The following OXNAD1 variants were observed in gnomAD, a reference collection of about 807,000 sequenced individuals.
OXNAD1 encodes the protein oxidoreductase NAD-binding domain-containing protein 1.
OXNAD1 carries 34 observed loss-of-function variants against 32.9 expected under a neutral mutation model. The ratio of observed to expected loss-of-function variants is 1.03; its 90% CI spans 0.79 to 1.38. The LOEUF (loss-of-function observed/expected upper bound fraction) is 1.38, where lower values mean the gene tolerates loss of function less well. Ranked by LOEUF, OXNAD1 falls within the 40% of genes most tolerant of loss-of-function variation. The probability of loss-of-function intolerance (pLI) is 0.00; values close to 1 mark genes in which losing one functional copy is unlikely to be tolerated. For synonymous variants in OXNAD1, 134 were observed against 135.2 expected (o/e 0.99, Z 0.06); for missense variants, 407 against 379.4 (o/e 1.07, Z -0.60).
rs781007349 is a variant in OXNAD1 at position 16,316,282 on chromosome 3, G to C, written c.*30+12690G>C. On this transcript the variant is annotated intron_variant, in intron 9 of 9. Coordinates refer to the OXNAD1 transcript ENST00000435829. The surrounding 1 kb of genome is among the most constrained non-coding windows in gnomAD (Gnocchi z 4.5). ...ACTATTTTGAGAAAAGCTGGGAGGC[G>C]GAGCACCTCCCCTCCCCAATGTCAT... 1 of 158,522 alleles carries C rather than the reference G, an allele frequency of 6.3e-6. No individual in the cohort carries two copies. Among genetic ancestry groups the C allele is most frequent in the African/African-American group, 2.4e-5 (1 of 41,494 alleles). The allele number at this position is 158,522 out of a possible 1,614,324, so 9.8% of individuals were successfully genotyped here. A position where few individuals can be genotyped will look rare whatever the true frequency, so the allele number is the denominator to read the frequency against.
At chr3:16,269,590 T>G (rs960042980) in intron 2 of OXNAD1, among the ~76,000 whole-genome samples, 3 of 152,246 alleles carry the variant, frequency 2.0e-5, no homozygotes, top group African/African-American at 7.2e-5. Context: ...ATTTATTTTC[T>G]GTCTTCATCT....
intron 9 of OXNAD1, among the ~76,000 whole-genome samples, chr3:16,311,319 C>T (rs970102773): frequency 0.036 from 2 of 56 alleles, no homozygotes; most frequent in Admixed American, 0.33. Context: ...CTCAGCTTCC[C>T]GAGTAGCTGG....
At position 16,327,803 on chromosome 3, in the gene OXNAD1, G is replaced by C. The variant is rs887086695; in HGVS notation, c.*31-9309G>C. 2.0e-5 allele frequency among the ~76,000 whole-genome samples: 3 copies of C among 150,872 alleles called. No individual in the cohort carries two copies. Among genetic ancestry groups the C allele is most frequent in the South Asian group, 4.2e-4 (2 of 4,766 alleles). ...CGAAAAAAACTTCAGCCCCCTGCTA[G>C]CACAGGGAGAGAGCCCTGATGTGAG... is the stretch of plus-strand genomic sequence containing the variant. On this transcript the variant is annotated intron_variant, in intron 9 of 9. Coordinates refer to the OXNAD1 transcript ENST00000435829. The surrounding 1 kb of genome is among the most constrained non-coding windows in gnomAD (Gnocchi z 4.2).
At position 16,303,824 on chromosome 3, in the gene OXNAD1, TG is replaced by T; in HGVS notation, c.*263del. On this transcript the variant is annotated 3_prime_UTR_variant, in exon 9 of 9. Transcript: ENST00000285083. This position sits in a 1 kb window ranked among gnomAD's most constrained non-coding sequence, Gnocchi z 4.8. ...GATTTAATTGTCTCATGATGTACCA[TG>T]ATTGGTCAGTATAGATTTTTCTTTT... The T allele has an allele frequency of 3.4e-6, 1 of 293,146 alleles. No homozygotes were observed. Among genetic ancestry groups the T allele is most frequent in the African/African-American group, 2.2e-5 (1 of 46,146 alleles). 18.2% of individuals were successfully genotyped at this position (293,146 alleles called of 1,614,324 possible).
Position 16,303,687 on chromosome 3 carries a change from A to T in OXNAD1, c.*125A>T, listed in dbSNP as rs1053765194. 9.2e-7 allele frequency: 1 copy of T among 1,082,328 alleles called. No individual in the cohort carries two copies. The highest frequency in any genetic ancestry group is 3.3e-5 in the Admixed American group (1 of 29,864). The allele number at this position is 1,082,328 out of a possible 1,614,324, so 67.0% of individuals were successfully genotyped here. On this transcript the variant is annotated 3_prime_UTR_variant, in exon 9 of 9. Coordinates refer to ENST00000285083, the MANE Select transcript of OXNAD1 (RefSeq NM_138381.5). The surrounding 1 kb of genome is among the most constrained non-coding windows in gnomAD (Gnocchi z 4.8). ...TCTTATTTTTTAAGGCTATAAACTT[A>T]GTGACCAGCTGGATAATAAAAGCCA... is the stretch of plus-strand genomic sequence containing the variant.
In OXNAD1 at chr3:16,322,786, C is replaced by G. The variant is rs1400805540; in HGVS notation, c.*31-14326C>G. Among the ~76,000 whole-genome samples the G allele has an allele frequency of 6.6e-6, 1 of 152,036 alleles. No homozygotes were observed. The highest frequency in any genetic ancestry group is 6.5e-5 in the Admixed American group (1 of 15,276). On this transcript the variant is annotated intron_variant, in intron 9 of 9. Coordinates refer to the OXNAD1 transcript ENST00000435829. The surrounding 1 kb of genome is among the most constrained non-coding windows in gnomAD (Gnocchi z 6.2). ...ACTGTTTCTAGGGTAGTTCAGAGTC[C>G]GGAGAGGGGGAAAAGGGCCCTGGGG...
chr3:16,339,126 G>A (rs1575049983), downstream of OXNAD1, among the ~76,000 whole-genome samples: 1 of 152,186 alleles, frequency 6.6e-6, no homozygotes, highest in Admixed American at 6.5e-5. Context: ...AAGGGATTGG[G>A]TAAGACATGG....
rs2064966708 is a variant in OXNAD1, at chr3:16,271,874, G to C, written c.183+152G>C. ...TTCTATTTAGAAATTTTCTGAGCAG[G>C]ACATTTGATATCTGATTTGAAAAGA... On this transcript the variant is annotated intron_variant, in intron 4 of 8. Coordinates refer to ENST00000285083, the MANE Select transcript of OXNAD1 (RefSeq NM_138381.5). The surrounding 1 kb of genome is among the most constrained non-coding windows in gnomAD (Gnocchi z 4.6). 1 of 693,960 alleles carries C rather than the reference G, an allele frequency of 1.4e-6. No homozygotes were observed. Among genetic ancestry groups the C allele is most frequent in the Non-Finnish European group, 2.4e-6 (1 of 418,596 alleles). 43.0% of individuals were successfully genotyped at this position (693,960 alleles called of 1,614,324 possible).
At chr3:16,296,196 G>A (rs1485827984) in intron 6 of OXNAD1, among the ~76,000 whole-genome samples, 1 of 152,192 alleles carries the variant, frequency 6.6e-6, no homozygotes, top group Non-Finnish European at 1.5e-5. Context: ...AGTAGCTGAA[G>A]AGAGCTTTTA....
At position 16,298,126 on chromosome 3, in the gene OXNAD1, A is replaced by G. The variant is rs757240281; in HGVS notation, c.432+3129A>G. Among the ~76,000 whole-genome samples, 11 of 152,036 alleles carry G rather than the reference A, an allele frequency of 7.2e-5. No homozygotes were observed. The highest frequency in any genetic ancestry group is 9.7e-5 in the African/African-American group (4 of 41,372). The stretch of plus-strand genomic sequence containing the variant: ...TATCCTGTCACATTTTTACCCTGCA[A>G]CCTTCTGAGTCTCTCCGTCAGTGTG... On this transcript the variant is annotated intron_variant, in intron 6 of 8. Transcript: ENST00000285083. This position sits in a 1 kb window ranked among gnomAD's most constrained non-coding sequence, Gnocchi z 5.1.
At chr3:16,310,991 CAAAAAAAA>C (rs1003070321), downstream of OXNAD1, among the ~76,000 whole-genome samples, 59 of 57,556 alleles carry the variant, frequency 1.0e-3, no homozygotes, top group African/African-American at 4.1e-3. Context: ...ACTCAGTCTC[CAAAAAAAA>C]AAAAAAAAAA....
Position 16,317,016 on chromosome 3 carries a change from C to T in OXNAD1, c.*30+13424C>T, listed in dbSNP as rs756018597. The T allele has an allele frequency of 7.4e-6, 12 of 1,613,660 alleles. No homozygotes were observed. The Admixed American group carries it at 1.3e-4, about 18-fold the overall frequency. On this transcript the variant is annotated intron_variant, in intron 9 of 9. Transcript: ENST00000435829. The surrounding 1 kb of genome is among the most constrained non-coding windows in gnomAD (Gnocchi z 4.3). ...AGGCCACCAGGGGACAGCTGTTCTC[C>T]CTTGTCCTCTTGGACAGGGCCCTTC... is the stretch of plus-strand genomic sequence containing the variant.
intron 9 of OXNAD1, among the ~76,000 whole-genome samples, chr3:16,324,488 G>C (rs1360458067): frequency 6.6e-6 from 1 of 152,000 alleles, no homozygotes; most frequent in Non-Finnish European, 1.5e-5. Context: ...CTGCTTCTAT[G>C]ACTCAACTTT....
rs78912073 is a variant in OXNAD1, at chr3:16,327,477, C to G, written c.*31-9635C>G. On this transcript the variant is annotated intron_variant, in intron 9 of 9. Coordinates refer to the OXNAD1 transcript ENST00000435829. The surrounding 1 kb of genome is among the most constrained non-coding windows in gnomAD (Gnocchi z 4.2). ...GTCTTTCAGTTAAAAAACTCAGCCCCGGCCGGGTGCTGTGGCTCACGTCTG... is the reference window on the plus strand; with the variant it reads ...GTCTTTCAGTTAAAAAACTCAGCCCGGGCCGGGTGCTGTGGCTCACGTCTG... 6.6e-6 allele frequency among the ~76,000 whole-genome samples: 1 copy of G among 152,120 alleles called. No individual in the cohort carries two copies. Among genetic ancestry groups the G allele is most frequent in the Non-Finnish European group, 1.5e-5 (1 of 68,016 alleles).
rs111333562 is a variant in OXNAD1 at position 16,269,767 on chromosome 3, G to A, written c.-9+492G>A. On this transcript the variant is annotated intron_variant, in intron 2 of 8. Coordinates refer to ENST00000285083, the MANE Select transcript of OXNAD1 (RefSeq NM_138381.5). Reference sequence around the variant, plus strand: ...TGTAAACACTTAGCTTGAATATTTTGCTAACAGCAATTTATCACAATTAAT... The same window carrying A: ...TGTAAACACTTAGCTTGAATATTTTACTAACAGCAATTTATCACAATTAAT... Among the ~76,000 whole-genome samples the A allele has an allele frequency of 6.2e-3, 947 of 152,230 alleles. 35 individuals are homozygous for A. The South Asian group carries it at 0.094, about 15-fold the overall frequency.
At chr3:16,272,668 G>C (rs1347515258) in intron 4 of OXNAD1, among the ~76,000 whole-genome samples, 2 of 70,884 alleles carry the variant, frequency 2.8e-5, no homozygotes, top group Non-Finnish European at 5.9e-5. Context: ...TTTTTTTTTT[G>C]AGAAGTCTGT....
At chr3:16,323,099 T>TA (rs1479467100) in intron 9 of OXNAD1, among the ~76,000 whole-genome samples, 5 of 152,110 alleles carry the variant, frequency 3.3e-5, no homozygotes, top group Non-Finnish European at 7.4e-5. Flanking sequence ...TTCATCCTAG[T>TA]GGGAATATCT....
chr3:16,270,815 T>A (rs1180807705), intron 2 of OXNAD1, 130 bp from the exon 3 acceptor site: 10 of 1,351,004 alleles, frequency 7.4e-6, no homozygotes, highest in Non-Finnish European at 1.0e-5. Flanking sequence ...TCTTGGCTGC[T>A]TTGGTGGTAA....
In OXNAD1 at chr3:16,312,213, G is replaced by T. The variant is rs540550358; in HGVS notation, c.*30+8621G>T. On this transcript the variant is annotated intron_variant, in intron 9 of 9. Transcript: ENST00000435829. The surrounding 1 kb of genome is among the most constrained non-coding windows in gnomAD (Gnocchi z 4.7). ...AGAAACCTAGCCAAAGGCTCATTGG[G>T]TCTTGTCCTTAGATCTCATGTCCAC... 6.6e-6 allele frequency among the ~76,000 whole-genome samples: 1 copy of T among 152,258 alleles called. No individual in the cohort carries two copies. Among genetic ancestry groups the T allele is most frequent in the South Asian group, 2.1e-4 (1 of 4,830 alleles).
Sources: allele counts gnomAD v4.1 joint callset (sites outside exome capture counted in the v4.1 genomes callset), GRCh38; gene constraint gnomAD v4.1.1; non-coding constraint Gnocchi (gnomAD v3.1); transcripts MANE v1.5; gene names NCBI Gene and HGNC (gene_info 2026-07-23, HGNC 2026-07-21).